The following NRG1 variants were observed in gnomAD, a reference collection of about 807,000 sequenced individuals.
NRG1 encodes the protein pro-neuregulin-1, membrane-bound isoform.
A neutral mutation model predicts 63.8 loss-of-function variants in NRG1; 18 were observed. That is an observed-to-expected ratio of 0.28 (90% CI 0.19 to 0.42). The LOEUF (loss-of-function observed/expected upper bound fraction) is 0.42. Among genes scored for constraint, NRG1 ranks in the 10% least tolerant of loss-of-function variants. NRG1 has a pLI of 1.00. For missense variants in NRG1, 762 were observed against 814.7 expected (o/e 0.94, Z 0.79); for synonymous variants, 302 against 301.3 (o/e 1.00, Z -0.02).
intron 1 of NRG1, among the ~76,000 whole-genome samples, chr8:32,424,892 C>A (rs1172601131): frequency 2.0e-5 from 3 of 151,748 alleles, no homozygotes; most frequent in Non-Finnish European, 2.9e-5. Flanking sequence ...AACAAACAAA[C>A]AAACAAAAAA....
At chr8:32,133,669 G>A (rs1835143136) in intron 1 of NRG1, among the ~76,000 whole-genome samples, 1 of 152,052 alleles carries the variant, frequency 6.6e-6, no homozygotes, top group East Asian at 1.9e-4. Flanking sequence ...CTAGATTTAT[G>A]AAAAGGCCCA....
intron 1 of NRG1, among the ~76,000 whole-genome samples, chr8:32,356,508 A>G (rs1422706375): frequency 8.4e-5 from 10 of 118,442 alleles, no homozygotes; most frequent in Non-Finnish European, 1.6e-4. Context: ...CACCCCGTTG[A>G]TATCCTAAAT....
chr8:32,490,084 T>C (rs2129494593), intron 1 of NRG1, among the ~76,000 whole-genome samples: 1 of 152,282 alleles, frequency 6.6e-6, no homozygotes, highest in East Asian at 1.9e-4. Flanking sequence ...TAGGAGGATA[T>C]CTTGAGCTTA....
At chr8:32,167,160 G>T (rs1290473678) in intron 1 of NRG1, among the ~76,000 whole-genome samples, 1 of 152,150 alleles carries the variant, frequency 6.6e-6, no homozygotes, top group Non-Finnish European at 1.5e-5. Context: ...CTAAGTGTAA[G>T]TCAAATTAAT....
At chr8:32,065,450 G>A (rs192555927) in intron 1 of NRG1, among the ~76,000 whole-genome samples, 4,201 of 152,180 alleles carry the variant, frequency 0.028, 75 homozygotes, top group Non-Finnish European at 0.042. Flanking sequence ...GAGAACATGT[G>A]GTGTTTGGTT....
At chr8:31,670,654 T>C (rs1807036545) in intron 1 of NRG1, among the ~76,000 whole-genome samples, 1 of 152,046 alleles carries the variant, frequency 6.6e-6, no homozygotes, top group African/African-American at 2.4e-5. Context: ...AATATCAAGA[T>C]TGGCTCCCAT....
intron 1 of NRG1, among the ~76,000 whole-genome samples, chr8:31,778,774 T>C (rs1002854351): frequency 3.3e-5 from 5 of 152,204 alleles, no homozygotes; most frequent in African/African-American, 1.2e-4. Context: ...GAGAAATGAC[T>C]GGTTTTTGGG....
chr8:32,101,909 A>G (rs1445623376), intron 1 of NRG1, among the ~76,000 whole-genome samples: 2 of 152,198 alleles, frequency 1.3e-5, no homozygotes, highest in Non-Finnish European at 2.9e-5. Context: ...TGTGATGGAA[A>G]GCAGGTGAAA....
chr8:32,415,377 A>AG (rs1377722711), intron 1 of NRG1, among the ~76,000 whole-genome samples: 8 of 151,280 alleles, frequency 5.3e-5, no homozygotes, highest in South Asian at 2.1e-4. Flanking sequence ...AAAAAAAAAA[A>AG]AAAGAAAGAA....
chr8:32,558,881 A>T (rs35004034), intron 1 of NRG1, among the ~76,000 whole-genome samples: 30,194 of 151,636 alleles, frequency 0.2, 3,823 homozygotes, highest in Admixed American at 0.33. Flanking sequence ...GGGATTCAAG[A>T]CCAGCCTGGG....
intron 1 of NRG1, among the ~76,000 whole-genome samples, chr8:31,811,566 G>C (rs529568518): frequency 2.0e-5 from 3 of 152,158 alleles, no homozygotes; most frequent in Admixed American, 2.0e-4. Context: ...GTATGTTACT[G>C]TTTTTATCTT....
At chr8:32,184,289 G>C (rs1048474134) in intron 1 of NRG1, among the ~76,000 whole-genome samples, 5 of 151,996 alleles carry the variant, frequency 3.3e-5, no homozygotes, top group Non-Finnish European at 7.4e-5. Context: ...AGTTTATTTT[G>C]ACACTTTACT....
chr8:32,402,474 G>A (rs377034128), intron 1 of NRG1, among the ~76,000 whole-genome samples: 15 of 152,042 alleles, frequency 9.9e-5, no homozygotes, highest in Non-Finnish European at 1.3e-4. Flanking sequence ...TCTGAGTAGC[G>A]TGATGAAATC....
chr8:32,207,133 T>C (rs1844147826), intron 1 of NRG1, among the ~76,000 whole-genome samples: 1 of 152,180 alleles, frequency 6.6e-6, no homozygotes, highest in African/African-American at 2.4e-5. Context: ...TTTTTTCAAA[T>C]ACATGTTTAT....
intron 1 of NRG1, among the ~76,000 whole-genome samples, chr8:31,842,188 T>G (rs79977594): frequency 1.3e-5 from 2 of 152,344 alleles, no homozygotes; most frequent in East Asian, 3.9e-4. Flanking sequence ...GGACAATTGC[T>G]CTTAGCAGTT....
chr8:31,795,344 A>G (rs1821099119), intron 1 of NRG1, among the ~76,000 whole-genome samples: 1 of 152,100 alleles, frequency 6.6e-6, no homozygotes, highest in Non-Finnish European at 1.5e-5. Context: ...TGTGTGTCAG[A>G]GTGAGGGTGA....
At chr8:32,408,182 TAAG>T (rs369308999) in intron 1 of NRG1, among the ~76,000 whole-genome samples, 1,566 of 152,242 alleles carry the variant, frequency 0.01, 22 homozygotes, top group African/African-American at 0.03. Context: ...GATTCTGTGA[TAAG>T]AAGGTGATCA....
At chr8:32,644,952 A>G (rs946949972) in intron 5 of NRG1, among the ~76,000 whole-genome samples, 3 of 151,864 alleles carry the variant, frequency 2.0e-5, no homozygotes, top group Non-Finnish European at 4.4e-5. Flanking sequence ...GGCCACCTGA[A>G]CCCCATTTTG....
chr8:32,184,116 C>A (rs1841725358), intron 1 of NRG1, among the ~76,000 whole-genome samples: 1 of 151,680 alleles, frequency 6.6e-6, no homozygotes. Flanking sequence ...ATATATAGAT[C>A]ACGTAAATAT....
Sources: gnomAD v4.1 joint callset for allele counts (sites outside exome capture counted in the v4.1 genomes callset) on GRCh38, gnomAD v4.1.1 for gene constraint, MANE v1.5 for transcripts, NCBI Gene and HGNC (gene_info 2026-07-23, HGNC 2026-07-21) for gene names.